Variants in CR1 observed in about 807,000 individuals in gnomAD.
The protein encoded by CR1 is complement receptor type 1.
Under a neutral mutation model 187.3 loss-of-function variants are expected in CR1, and 116 were observed. That is an observed-to-expected ratio of 0.62 (90% CI 0.53 to 0.72). The LOEUF (loss-of-function observed/expected upper bound fraction) is 0.72. Ranked by LOEUF, CR1 falls within the 30% of genes least tolerant of loss-of-function variation. CR1 has a pLI of 0.00. For synonymous variants in CR1, 576 were observed against 747.1 expected (o/e 0.77, Z 3.73); for missense variants, 1,731 against 2,110.7 (o/e 0.82, Z 3.52).
chr1:207,606,289 G>C (rs183435339), intron 35 of CR1, among the ~76,000 whole-genome samples: 1 of 152,288 alleles, frequency 6.6e-6, no homozygotes, highest in East Asian at 1.9e-4. Context: ...CCAGAAGTTA[G>C]TAACATGGCT....
In CR1 at chr1:207,641,682, A is replaced by G. The variant is rs1460434320; in HGVS notation, c.*2273A>G. On this transcript the variant is annotated 3_prime_UTR_variant, in exon 47 of 47. Transcript: ENST00000367049. ...TTTTTGGCACACTTAAGTGTGTACT[A>G]TGAAGTTTATGATGCTTTAATGAAA... The G allele has an allele frequency of 1.3e-5, 2 of 152,194 alleles. No individual in the cohort carries two copies. The highest frequency in any genetic ancestry group is 6.5e-5 in the Admixed American group (1 of 15,276). The allele number at this position is 152,194 out of a possible 1,614,324, so 9.4% of individuals were successfully genotyped here. A position where few individuals can be genotyped will look rare whatever the true frequency, so the allele number is the denominator to read the frequency against.
intron 31 of CR1, among the ~76,000 whole-genome samples, chr1:207,580,824 T>C (rs1002037938): frequency 7.2e-5 from 11 of 152,012 alleles, no homozygotes; most frequent in African/African-American, 2.7e-4. Flanking sequence ...TATAACTGAG[T>C]GTCAAGTACA....
At chr1:207,567,349 T>C (rs1467074247) in intron 24 of CR1, among the ~76,000 whole-genome samples, 1 of 148,904 alleles carries the variant, frequency 6.7e-6, no homozygotes, top group Non-Finnish European at 1.5e-5. Context: ...TGATGATCAA[T>C]ATCAATAAGT....
intron 31 of CR1, 139 bp downstream of exon 31, chr1:207,580,752 T>C: frequency 1.2e-6 from 1 of 819,284 alleles, no homozygotes; most frequent in South Asian, 1.8e-5. Context: ...AGCTTTAAAA[T>C]AAAGGTAGGG....
intron 4 of CR1, among the ~76,000 whole-genome samples, chr1:207,515,125 G>GTACGCATATATACGTGTA (rs1659752102): frequency 2.0e-5 from 2 of 101,656 alleles, no homozygotes; most frequent in Admixed American, 2.2e-4. Flanking sequence ...ATATACATAC[G>GTACGCATATATACGTGTA]TACGTATATA....
At chr1:207,565,226 G>A (rs950048366) in intron 23 of CR1, among the ~76,000 whole-genome samples, 1 of 150,260 alleles carries the variant, frequency 6.7e-6, no homozygotes, top group Non-Finnish European at 1.5e-5. Context: ...GTAAGAGTTA[G>A]GAGGGCATCA....
chr1:207,613,013 G>A lies in CR1; in HGVS notation c.6575+972G>A, dbSNP rs114304475. On this transcript the variant is annotated intron_variant, in intron 39 of 46. Coordinates refer to ENST00000367049, the MANE Select transcript of CR1 (RefSeq NM_000651.6). ...CTGTCGCCCAGCTCTGGCTTGATCC[G>A]CTGCTGCTTCCTTTCGCGTGGTACA... is the stretch of plus-strand genomic sequence containing the variant. 7.7e-3 allele frequency among the ~76,000 whole-genome samples: 1,170 copies of A among 152,280 alleles called. 7 individuals carry two copies. Among genetic ancestry groups the A allele is most frequent in the Middle Eastern group, 0.02 (6 of 294 alleles).
intron 5 of CR1, 78 bp downstream of exon 5, chr1:207,524,087 G>C (rs573045625): frequency 1.5e-4 from 236 of 1,611,302 alleles, no homozygotes; most frequent in Admixed American, 3.2e-4. Context: ...TATTTGTTCA[G>C]GGGGAGGGAT....
At chr1:207,581,354 A>ATGTACATGTGTATATGTATACGTATACG (rs1660945854) in intron 31 of CR1, among the ~76,000 whole-genome samples, 2 of 146,254 alleles carry the variant, frequency 1.4e-5, no homozygotes, top group South Asian at 2.1e-4. Flanking sequence ...ATACGTATAC[A>ATGTACATGTGTATATGTATACGTATACG]TGTCCATATG....
chr1:207,513,002 G>A (rs547338611), intron 4 of CR1, among the ~76,000 whole-genome samples: 3 of 152,282 alleles, frequency 2.0e-5, no homozygotes, highest in East Asian at 1.9e-4. Context: ...TCTCCCATCC[G>A]TTGGTGCTGC....
intron 35 of CR1, among the ~76,000 whole-genome samples, chr1:207,605,101 A>C (rs1391238335): frequency 6.6e-6 from 1 of 152,034 alleles, no homozygotes; most frequent in Non-Finnish European, 1.5e-5. Context: ...TCTACCAATA[A>C]ATACAAAAAT....
At chr1:207,639,014 TGAGGA>T (rs1662900886) in intron 46 of CR1, among the ~76,000 whole-genome samples, 1 of 152,330 alleles carries the variant, frequency 6.6e-6, no homozygotes, top group African/African-American at 2.4e-5. Context: ...CTGAAAACCC[TGAGGA>T]ACAAAGGGCT....
intron 27 of CR1, among the ~76,000 whole-genome samples, chr1:207,573,390 T>C (rs947035191): frequency 6.6e-5 from 10 of 151,874 alleles, no homozygotes; most frequent in Admixed American, 1.3e-4. Context: ...TTTTCTCTCT[T>C]TTTTTTAAGC....
intron 44 of CR1, 70 bp downstream of exon 44, chr1:207,622,066 G>A (rs769838481): frequency 1.3e-5 from 16 of 1,263,152 alleles, no homozygotes; most frequent in Non-Finnish European, 1.5e-5. Context: ...TATAATGAAT[G>A]AAATGTAAAA....
chr1:207,617,369 A>G (rs559165812), intron 41 of CR1, among the ~76,000 whole-genome samples: 1 of 150,320 alleles, frequency 6.7e-6, no homozygotes, highest in Admixed American at 6.7e-5. Flanking sequence ...GAGGCCCTGG[A>G]GAAGCAGAGT....
Position 207,565,912 on chromosome 1 carries a change from C to T in CR1, c.3941C>T (p.Pro1314Leu). ...GAAAGCCTTTGGAATAGCAGTGTTC[C>T]AGTGTGTGAACGTGAGTAATAGGAG... Reference protein sequence around the residue: ...GMESLWNSSVPVCEQIFCPSP... With the variant: ...GMESLWNSSVLVCEQIFCPSP... Residue 1314 changes from proline (P) to leucine (L), a missense_variant, in exon 24 of 47, where the codon CCA becomes CTA. Physicochemically the swap from Pro to Leu is moderately conservative, Grantham distance 98. Transcript: ENST00000367049. The T allele has an allele frequency of 6.2e-7, 1 of 1,611,136 alleles. No individual in the cohort carries two copies. Among genetic ancestry groups the T allele is most frequent in the East Asian group, 2.2e-5 (1 of 44,878 alleles).
At chr1:207,599,334 AG>A (rs1412022704) in intron 35 of CR1, among the ~76,000 whole-genome samples, 67 of 152,370 alleles carry the variant, frequency 4.4e-4, no homozygotes, top group Non-Finnish European at 7.3e-5. Flanking sequence ...CATTAATAAA[AG>A]TTTAAAAGAC....
At chr1:207,620,432 G>C (rs992365218) in intron 43 of CR1, among the ~76,000 whole-genome samples, 1 of 152,218 alleles carries the variant, frequency 6.6e-6, no homozygotes. Flanking sequence ...GAGGGGACAG[G>C]ATTTTAAGCT....
intron 4 of CR1, among the ~76,000 whole-genome samples, chr1:207,514,210 C>T (rs537246985): frequency 5.9e-5 from 9 of 152,098 alleles, no homozygotes; most frequent in Non-Finnish European, 1.3e-4. Flanking sequence ...AATATTTAAT[C>T]ATTTTTATAT....
Sources: gnomAD v4.1 joint callset for allele counts (sites outside exome capture counted in the v4.1 genomes callset) on GRCh38, gnomAD v4.1.1 for gene constraint, MANE v1.5 for transcripts, NCBI Gene and HGNC (gene_info 2026-07-23, HGNC 2026-07-21) for gene names.